The following BBS9 variants were observed in gnomAD, a reference collection of about 807,000 sequenced individuals.
The protein encoded by BBS9 is Bardet-Biedl syndrome 9, also known as protein PTHB1.
In BBS9, 89 loss-of-function variants were observed where a neutral mutation model predicts 117.7. The ratio of observed to expected loss-of-function variants is 0.76; its 90% CI spans 0.64 to 0.90. The LOEUF is 0.90. Among genes scored for constraint, BBS9 ranks in the 40% least tolerant of loss-of-function variants. The pLI is 0.00. For synonymous variants in BBS9, 379 were observed against 370.9 expected, an observed-to-expected ratio of 1.02 and a Z score of -0.25; for missense variants, 982 against 1,042.2, an observed-to-expected ratio of 0.94 and a Z score of 0.80.
chr7:33,622,802 A>G (rs550307057), intron 21 of BBS9, among the ~76,000 whole-genome samples: 1 of 152,342 alleles, frequency 6.6e-6, no homozygotes, highest in South Asian at 2.1e-4. Flanking sequence ...TGACAGAGAT[A>G]ATATTGCAGA....
At chr7:33,434,084 T>C (rs17170236) in intron 19 of BBS9, among the ~76,000 whole-genome samples, 1,761 of 151,850 alleles carry the variant, frequency 0.012, 78 homozygotes, top group East Asian at 0.094. Flanking sequence ...AATTTTCAAA[T>C]ATTTTTTCAT....
intron 5 of BBS9, among the ~76,000 whole-genome samples, chr7:33,223,716 A>G (rs559835566): frequency 6.6e-6 from 1 of 152,068 alleles, no homozygotes; most frequent in African/African-American, 2.4e-5. Context: ...GAGTTACTTG[A>G]GATCAAAGAA....
At position 33,593,743 on chromosome 7, in the gene BBS9, G is replaced by A. The variant is rs149880188; in HGVS notation, c.2522-11122G>A. Among the ~76,000 whole-genome samples, 303 of 152,190 alleles carry A rather than the reference G, an allele frequency of 2.0e-3. 1 individual carries two copies. Among genetic ancestry groups the A allele is most frequent in the African/African-American group, 6.9e-3 (286 of 41,540 alleles). ...AATGCACCAACATAGTGTAGAGACCGCTCTTGCCAACAATTAATTGGGGAA... is the reference window on the plus strand; with the variant it reads ...AATGCACCAACATAGTGTAGAGACCACTCTTGCCAACAATTAATTGGGGAA... On this transcript the variant is annotated intron_variant, in intron 21 of 22. Transcript: ENST00000242067.
At chr7:33,405,353 C>T (rs919274610) in intron 19 of BBS9, among the ~76,000 whole-genome samples, 2 of 152,014 alleles carry the variant, frequency 1.3e-5, no homozygotes, top group African/African-American at 2.4e-5. Context: ...ATGATGCTGG[C>T]CTCATAAAAT....
intron 21 of BBS9, among the ~76,000 whole-genome samples, chr7:33,629,062 C>T (rs1271911588): frequency 6.6e-6 from 1 of 152,198 alleles, no homozygotes; most frequent in Non-Finnish European, 1.5e-5. Flanking sequence ...AGGGGATGAA[C>T]TCTGATGCAA....
chr7:33,566,506 A>G (rs1206380393), intron 21 of BBS9, among the ~76,000 whole-genome samples: 1 of 152,088 alleles, frequency 6.6e-6, no homozygotes, highest in East Asian at 1.9e-4. Flanking sequence ...AAACACTTAT[A>G]AGGACCTTAT....
chr7:33,332,139 A>C (rs1489449530), intron 9 of BBS9, among the ~76,000 whole-genome samples: 1 of 152,194 alleles, frequency 6.6e-6, no homozygotes, highest in Non-Finnish European at 1.5e-5. Flanking sequence ...AGAACCCAGA[A>C]ATAAAGCCAG....
At chr7:33,217,527 A>G (rs1789314031) in intron 5 of BBS9, among the ~76,000 whole-genome samples, 1 of 152,232 alleles carries the variant, frequency 6.6e-6, no homozygotes, top group Non-Finnish European at 1.5e-5. Flanking sequence ...CCTGCTGATT[A>G]CTTAAATTTT....
intron 21 of BBS9, among the ~76,000 whole-genome samples, chr7:33,558,804 A>G (rs1244764374): frequency 6.6e-6 from 1 of 152,316 alleles, no homozygotes; most frequent in East Asian, 1.9e-4. Context: ...GAAAGTGGAG[A>G]GAGTAGAAAA....
intron 21 of BBS9, among the ~76,000 whole-genome samples, chr7:33,583,374 C>T (rs868185594): frequency 5.3e-5 from 8 of 152,100 alleles, no homozygotes; most frequent in Middle Eastern, 3.2e-3. Flanking sequence ...CTAGATCTTC[C>T]TTTCCTTTCC....
At chr7:33,243,224 G>C (rs946598636) in intron 5 of BBS9, among the ~76,000 whole-genome samples, 16 of 152,246 alleles carry the variant, frequency 1.1e-4, no homozygotes, top group Admixed American at 8.5e-4. Flanking sequence ...AGCCTTCCTT[G>C]TTTAATTTCC....
intron 20 of BBS9, among the ~76,000 whole-genome samples, chr7:33,512,737 T>TGC (rs1847145734): frequency 6.6e-6 from 1 of 152,214 alleles, no homozygotes; most frequent in Non-Finnish European, 1.5e-5. Context: ...CTGGCCTTCG[T>TGC]TCCTTTAAAA....
chr7:33,216,144 C>T (rs1333213754), intron 5 of BBS9, among the ~76,000 whole-genome samples: 1 of 152,212 alleles, frequency 6.6e-6, no homozygotes, highest in Non-Finnish European at 1.5e-5. Flanking sequence ...CACTAGGCCA[C>T]TGGGCTTTCT....
At chr7:33,412,700 G>T (rs1333241463) in intron 19 of BBS9, among the ~76,000 whole-genome samples, 2 of 152,144 alleles carry the variant, frequency 1.3e-5, no homozygotes, top group African/African-American at 4.8e-5. Flanking sequence ...AGAAGAATAG[G>T]TCTCATCATC....
intron 20 of BBS9, among the ~76,000 whole-genome samples, chr7:33,522,377 T>A (rs1848759530): frequency 6.7e-6 from 1 of 150,074 alleles, no homozygotes. Flanking sequence ...TGTAAAAGTG[T>A]TCCTATTTCT....
At chr7:33,246,963 A>G (rs1163297099) in intron 5 of BBS9, among the ~76,000 whole-genome samples, 1 of 152,158 alleles carries the variant, frequency 6.6e-6, no homozygotes, top group Non-Finnish European at 1.5e-5. Context: ...TCAGAAAATC[A>G]TTTGAACAGC....
rs1416265147 is a variant in BBS9 at position 33,465,261 on chromosome 7, CT to C, written c.2116-40191del. Among the ~76,000 whole-genome samples, 646 of 141,218 alleles carry C rather than the reference CT, an allele frequency of 4.6e-3. 5 individuals carry two copies. The highest frequency in any genetic ancestry group is 0.015 in the African/African-American group (578 of 38,742). The allele number at this position is 141,218 out of a possible 152,430, so 92.6% of individuals were successfully genotyped here. On this transcript the variant is annotated intron_variant, in intron 19 of 22. Transcript: ENST00000242067. ...AGGAAAAAAAAAAACATGATTTATT[CT>C]TTTTTTTTTTCAGCTTCCTCTCATT...
In BBS9 at chr7:33,492,224, A is replaced by AC. The variant is rs1554506971; in HGVS notation, c.2116-13238dup. 1.2e-4 allele frequency among the ~76,000 whole-genome samples: 18 copies of AC among 149,076 alleles called. 2 individuals are homozygous for AC. The South Asian group carries it at 3.1e-3, about 26-fold the overall frequency. On this transcript the variant is annotated intron_variant, in intron 19 of 22. Transcript: ENST00000242067. ...CCTCGAAAAAAAAAACAAAAAAAAA[A>AC]CAAAAAAAAAACTTGGTTGAGTGTT... is the stretch of plus-strand genomic sequence containing the variant.
At chr7:33,227,572 A>G (rs1791529356) in intron 5 of BBS9, among the ~76,000 whole-genome samples, 1 of 152,108 alleles carries the variant, frequency 6.6e-6, no homozygotes, top group African/African-American at 2.4e-5. Flanking sequence ...TGAGCAGTAT[A>G]CAGTGTACTC....
Sources: gnomAD v4.1 joint callset for allele counts (sites outside exome capture counted in the v4.1 genomes callset) on GRCh38, gnomAD v4.1.1 for gene constraint, MANE v1.5 for transcripts, NCBI Gene and HGNC (gene_info 2026-07-23, HGNC 2026-07-21) for gene names.